PSMC6: variants seen among roughly 807,000 people sequenced by gnomAD.
PSMC6 encodes the protein proteasome 26S subunit, ATPase 6.
A neutral mutation model predicts 55.9 loss-of-function variants in PSMC6; 3 were observed. That is an observed-to-expected ratio of 0.05 (90% confidence interval 0.02 to 0.14). The LOEUF (loss-of-function observed/expected upper bound fraction) is 0.14. PSMC6 is among the 10% of genes least tolerant of loss of function. The probability of loss-of-function intolerance (pLI) is 1.00; values close to 1 mark genes in which losing one functional copy is unlikely to be tolerated. For synonymous variants in PSMC6, 137 were observed against 155.9 expected, an observed-to-expected ratio of 0.88 and a Z score of 0.90; for missense variants, 210 against 478.7, an observed-to-expected ratio of 0.44 and a Z score of 5.24.
intron 12 of PSMC6, chr14:52,723,139 A>G (rs1283971196): frequency 2.6e-5 from 4 of 152,260 alleles, no homozygotes; most frequent in African/African-American, 9.6e-5. Context: ...ATACTGTGCT[A>G]GCCTTGGGAA....
At chr14:52,707,463 G>A in intron 1 of PSMC6, 159 bp downstream of exon 1, 2 of 948,264 alleles carry the variant, frequency 2.1e-6, no homozygotes, top group Non-Finnish European at 3.1e-6. Flanking sequence ...AGCTTGTGGA[G>A]CAGCACTCCT....
rs771959718 is a variant in PSMC6 at position 52,721,003 on chromosome 14, A to C, written c.898+22A>C. Reference sequence around the variant, plus strand: ...ATACGTGAGTTAAGATTCTTTACCTACTGTCCATTTCCCTTTGTGCCCATT... The same window carrying C: ...ATACGTGAGTTAAGATTCTTTACCTCCTGTCCATTTCCCTTTGTGCCCATT... On this transcript the variant is annotated intron_variant, in intron 11 of 13. Transcript: ENST00000445930. The C allele has an allele frequency of 2.3e-5, 37 of 1,609,746 alleles. No individual in the cohort carries two copies. In the East Asian group the frequency reaches 8.0e-4, roughly 35 times the overall value.
intron 12 of PSMC6, chr14:52,723,087 A>G (rs1190915733): frequency 6.6e-6 from 1 of 152,244 alleles, no homozygotes; most frequent in African/African-American, 2.4e-5. Flanking sequence ...ATGTCAATGT[A>G]TAGGTTTCTT....
intron 7 of PSMC6, 103 bp downstream of exon 7, chr14:52,714,071 C>CAAA: frequency 1.4e-6 from 1 of 737,530 alleles, no homozygotes; most frequent in Non-Finnish European, 2.1e-6. Context: ...GACACGGTCT[C>CAAA]ACTCTGTTGC....
At chr14:52,725,126 C>G (rs899261221) in intron 13 of PSMC6, among the ~76,000 whole-genome samples, 1 of 152,202 alleles carries the variant, frequency 6.6e-6, no homozygotes, top group African/African-American at 2.4e-5. Context: ...TGTCATATAG[C>G]TTGAACAAGT....
intron 7 of PSMC6, among the ~76,000 whole-genome samples, chr14:52,715,147 C>T (rs1282538868): frequency 6.7e-6 from 1 of 148,984 alleles, no homozygotes; most frequent in Non-Finnish European, 1.5e-5. Flanking sequence ...AAAAAAAAGT[C>T]AGTTTCACTA....
chr14:52,718,049 C>T, intron 7 of PSMC6, 32 bp from the exon 8 acceptor site: 1 of 1,602,976 alleles, frequency 6.2e-7, no homozygotes, highest in Non-Finnish European at 8.5e-7. Context: ...TCTACCTTAC[C>T]ATCTAATTAA....
chr14:52,714,751 A>G (rs560723409), intron 7 of PSMC6, among the ~76,000 whole-genome samples: 8 of 151,448 alleles, frequency 5.3e-5, no homozygotes, highest in Non-Finnish European at 8.8e-5. Context: ...CTGTAATCCC[A>G]GCTACTCGGG....
Position 52,711,497 on chromosome 14 carries a change from A to G in PSMC6, c.414A>G (p.Leu138=), listed in dbSNP as rs772285163. 2.8e-5 allele frequency: 45 copies of G among 1,610,654 alleles called. No individual in the cohort carries two copies. The highest frequency in any genetic ancestry group is 3.7e-5 in the Non-Finnish European group (44 of 1,177,134). ...TTTCTTATTCTGAGATTGGAGGGCT[A>G]TCAGAACAGATCCGGGAATTAAGAG... ...GNVSYSEIGG[L]SEQIRELREV... The change falls in exon 6 of 14, where the codon CTA becomes CTG. Residue 138 remains leucine (L), a synonymous_variant. Coordinates refer to ENST00000445930, the MANE Select transcript of PSMC6 (RefSeq NM_002806.5).
chr14:52,709,103 T>C (rs1311878716), intron 4 of PSMC6: 1 of 258,370 alleles, frequency 3.9e-6, no homozygotes, highest in African/African-American at 2.3e-5. Context: ...TATTTTAATG[T>C]CATTTTTAAA....
In PSMC6 at chr14:52,707,278, A is replaced by C. The variant is rs1415690800; in HGVS notation, c.59A>C (p.Lys20Thr). 6.2e-7 allele frequency: 1 copy of C among 1,614,092 alleles called. No homozygotes were observed. The highest frequency in any genetic ancestry group is 1.3e-5 in the African/African-American group (1 of 75,072). The change falls in exon 1 of 14, where the codon AAG (lysine) becomes ACG (threonine). Residue 20 changes from lysine (K) to threonine (T), a missense_variant. Coordinates refer to ENST00000445930, the MANE Select transcript of PSMC6 (RefSeq NM_002806.5). ...QDYRKKLLEHKEIDGRLKELR... is the reference protein window; with the variant it reads ...QDYRKKLLEHTEIDGRLKELR... ...TACCGCAAGAAGTTGCTTGAACACA[A>C]GGAGATCGACGGCCGTCTTAAGGAG...
At chr14:52,714,071 C>CAAAAAA in intron 7 of PSMC6, 103 bp downstream of exon 7, 1 of 737,536 alleles carries the variant, frequency 1.4e-6, no homozygotes, top group Non-Finnish European at 2.1e-6. Context: ...GACACGGTCT[C>CAAAAAA]ACTCTGTTGC....
chr14:52,726,830 C>T (rs1402552582), intron 13 of PSMC6, among the ~76,000 whole-genome samples: 1 of 151,652 alleles, frequency 6.6e-6, no homozygotes, highest in Non-Finnish European at 1.5e-5. Flanking sequence ...TTAGTAGAAA[C>T]GGGGTTTTAC....
At chr14:52,723,732 T>C (rs1880286648) in intron 12 of PSMC6, 2 of 931,912 alleles carry the variant, frequency 2.1e-6, no homozygotes, top group African/African-American at 1.7e-5. Context: ...TATTTTGAGA[T>C]TTTGGTGATA....
rs139544211 is a variant in PSMC6 at position 52,714,584 on chromosome 14, A to G, written c.529+616A>G. ...CTTTATAATACTGAAATGTTAAGCC[A>G]GGCGCAGTGGCTCACACCTGTAATC... On this transcript the variant is annotated intron_variant, in intron 7 of 13. Coordinates refer to ENST00000445930, the MANE Select transcript of PSMC6 (RefSeq NM_002806.5). Among the ~76,000 whole-genome samples, 182 of 152,268 alleles carry G rather than the reference A, an allele frequency of 1.2e-3. 2 individuals carry two copies. The highest frequency in any genetic ancestry group is 4.3e-3 in the African/African-American group (179 of 41,560).
intron 1 of PSMC6, 130 bp downstream of exon 1, chr14:52,707,434 G>A: frequency 1.6e-6 from 2 of 1,278,250 alleles, no homozygotes; most frequent in Non-Finnish European, 2.1e-6. Context: ...GGGACAAGGC[G>A]CTTTGTCATC....
At chr14:52,716,749 A>G (rs1387285430) in intron 7 of PSMC6, among the ~76,000 whole-genome samples, 1 of 152,054 alleles carries the variant, frequency 6.6e-6, no homozygotes. Flanking sequence ...GTGAAACTCC[A>G]TCTCAAAAAA....
rs1225398291 is a variant in PSMC6 at position 52,713,865 on chromosome 14, T to G, written c.442-16T>G. 6.6e-7 allele frequency: 1 copy of G among 1,504,708 alleles called. No homozygotes were observed. The highest frequency in any genetic ancestry group is 1.9e-5 in the Admixed American group (1 of 53,198). The allele number at this position is 1,504,708 out of a possible 1,614,324, so 93.2% of individuals were successfully genotyped here. A position where few individuals can be genotyped will look rare whatever the true frequency, so the allele number is the denominator to read the frequency against. ...TCTTGACTAACTTTTTAAGAAAGAT[T>G]TAACTTCTTTTCTAGGTGATAGAAT... On this transcript the variant is annotated splice_polypyrimidine_tract_variant and intron_variant, in intron 6 of 13. Coordinates refer to ENST00000445930, the MANE Select transcript of PSMC6 (RefSeq NM_002806.5).
Position 52,708,901 on chromosome 14 carries a change from G to T in PSMC6, c.258+85G>T, listed in dbSNP as rs912673967. 3.5e-5 allele frequency: 55 copies of T among 1,573,220 alleles called. No individual in the cohort carries two copies. The Admixed American group carries it at 3.7e-4, about 11-fold the overall frequency. On this transcript the variant is annotated intron_variant, in intron 4 of 13. Coordinates refer to ENST00000445930, the MANE Select transcript of PSMC6 (RefSeq NM_002806.5). ...TGTCTCTAATTCTTGAGGCAAGCAG[G>T]TGGAGCATTTATGCCCATAACTCAC...
Sources: gnomAD v4.1 joint callset for allele counts (sites outside exome capture counted in the v4.1 genomes callset) on GRCh38, gnomAD v4.1.1 for gene constraint, MANE v1.5 for transcripts, NCBI Gene and HGNC (gene_info 2026-07-23, HGNC 2026-07-21) for gene names.